Variants in ZNF407 observed in about 807,000 individuals in gnomAD.
ZNF407 encodes zinc finger protein 407.
Under a neutral mutation model 131.2 loss-of-function variants are expected in ZNF407, and 17 were observed. The ratio of observed to expected loss-of-function variants is 0.13; its 90% CI spans 0.09 to 0.19. The LOEUF (loss-of-function observed/expected upper bound fraction) is 0.19. Among genes scored for constraint, ZNF407 ranks in the 10% least tolerant of loss-of-function variants. ZNF407 has a pLI of 1.00. For missense variants in ZNF407, 2,681 were observed against 2,830.6 expected (o/e 0.95, Z 1.20); for synonymous variants, 1,156 against 1,062.0 (o/e 1.09, Z -1.72).
At chr18:74,844,070 G>A (rs1265232961) in intron 4 of ZNF407, among the ~76,000 whole-genome samples, 1 of 152,068 alleles carries the variant, frequency 6.6e-6, no homozygotes, top group Non-Finnish European at 1.5e-5. Flanking sequence ...CAAGTCTCAA[G>A]CACTGCCACG....
At chr18:74,891,332 G>A (rs191515781) in intron 7 of ZNF407, among the ~76,000 whole-genome samples, 2 of 152,328 alleles carry the variant, frequency 1.3e-5, no homozygotes, top group East Asian at 1.9e-4. Flanking sequence ...ACATGATGGC[G>A]TGAAATTGAG....
At chr18:74,944,238 A>G (rs1384438677) in intron 8 of ZNF407, among the ~76,000 whole-genome samples, 2 of 152,144 alleles carry the variant, frequency 1.3e-5, no homozygotes, top group Non-Finnish European at 2.9e-5. Flanking sequence ...TTTAATTTAA[A>G]AAGTCTGTTA....
intron 8 of ZNF407, among the ~76,000 whole-genome samples, chr18:74,951,381 A>G (rs1022277054): frequency 1.3e-5 from 2 of 152,190 alleles, no homozygotes; most frequent in African/African-American, 2.4e-5. Context: ...CATTAAGTCA[A>G]CATTGTCCCT....
chr18:74,835,882 C>T (rs554720533), intron 4 of ZNF407, among the ~76,000 whole-genome samples: 5 of 151,898 alleles, frequency 3.3e-5, no homozygotes, highest in Admixed American at 2.0e-4. Flanking sequence ...CTCACAGGTA[C>T]GGGTATGCTG....
intron 8 of ZNF407, among the ~76,000 whole-genome samples, chr18:74,999,372 A>C (rs1031562210): frequency 1.0e-4 from 15 of 148,920 alleles, no homozygotes; most frequent in Non-Finnish European, 1.8e-4. Context: ...AAAAAAAAAA[A>C]AAACAAAGGT....
chr18:74,912,685 C>T (rs1322759702), intron 7 of ZNF407, among the ~76,000 whole-genome samples: 2 of 152,004 alleles, frequency 1.3e-5, no homozygotes, highest in Non-Finnish European at 1.5e-5. Flanking sequence ...AAATTTGGAA[C>T]AGTTGTTTTA....
intron 4 of ZNF407, among the ~76,000 whole-genome samples, chr18:74,788,178 G>T (rs11876845): frequency 0.14 from 20,778 of 152,070 alleles, 2,546 homozygotes; most frequent in African/African-American, 0.33. Context: ...TTATGGGGAA[G>T]TCCCATTTTA....
intron 4 of ZNF407, among the ~76,000 whole-genome samples, chr18:74,852,062 G>A (rs947611584): frequency 6.6e-6 from 1 of 152,102 alleles, no homozygotes; most frequent in African/African-American, 2.4e-5. Flanking sequence ...ATTGTCACGG[G>A]AGCATGGACA....
chr18:74,786,514 A>C (rs1168495927), intron 4 of ZNF407, among the ~76,000 whole-genome samples: 1 of 151,492 alleles, frequency 6.6e-6, no homozygotes, highest in Non-Finnish European at 1.5e-5. Flanking sequence ...GGAAAAATAA[A>C]GTGTTTATGG....
At chr18:74,993,929 GAC>G (rs1388110667) in intron 8 of ZNF407, among the ~76,000 whole-genome samples, 1 of 152,232 alleles carries the variant, frequency 6.6e-6, no homozygotes, top group African/African-American at 2.4e-5. Flanking sequence ...AAGTGTGAGA[GAC>G]AAAGACTGGT....
At chr18:74,642,114 A>G (rs1036689061) in intron 3 of ZNF407, among the ~76,000 whole-genome samples, 2 of 152,236 alleles carry the variant, frequency 1.3e-5, no homozygotes, top group African/African-American at 4.8e-5. Context: ...TGGACAGTAC[A>G]TTTCATCCCA....
chr18:74,777,739 C>CTT (rs1969502755), intron 3 of ZNF407, among the ~76,000 whole-genome samples: 1 of 81,538 alleles, frequency 1.2e-5, no homozygotes, highest in Admixed American at 1.7e-4. Flanking sequence ...CACTCTCTCT[C>CTT]TCTCTCTCTC....
chr18:74,638,055 A>G (rs931375739), intron 2 of ZNF407, among the ~76,000 whole-genome samples: 1 of 152,238 alleles, frequency 6.6e-6, no homozygotes, highest in African/African-American at 2.4e-5. Flanking sequence ...TATTTCATGT[A>G]ACATGGGCTG....
chr18:74,948,639 A>G (rs1392485596), intron 8 of ZNF407, among the ~76,000 whole-genome samples: 1 of 152,206 alleles, frequency 6.6e-6, no homozygotes, highest in African/African-American at 2.4e-5. Flanking sequence ...TAAAAAAATA[A>G]TTCTCTCTCA....
chr18:74,637,779 A>T (rs1167846878), intron 2 of ZNF407, among the ~76,000 whole-genome samples: 1 of 152,182 alleles, frequency 6.6e-6, no homozygotes, highest in South Asian at 2.1e-4. Context: ...TTACTCTTCC[A>T]ATCCCTGTTT....
At chr18:74,739,436 G>A (rs1224410832) in intron 3 of ZNF407, among the ~76,000 whole-genome samples, 2 of 151,744 alleles carry the variant, frequency 1.3e-5, no homozygotes, top group East Asian at 1.9e-4. Flanking sequence ...TAAAAAGTAG[G>A]TGGTCATTGA....
At chr18:74,955,970 T>C (rs915491550) in intron 8 of ZNF407, among the ~76,000 whole-genome samples, 19 of 152,182 alleles carry the variant, frequency 1.2e-4, no homozygotes, top group African/African-American at 4.6e-4. Context: ...CTTAAGGAAG[T>C]TCATCTATAG....
intron 8 of ZNF407, among the ~76,000 whole-genome samples, chr18:74,985,459 A>C (rs1972641727): frequency 6.6e-6 from 1 of 152,224 alleles, no homozygotes; most frequent in African/African-American, 2.4e-5. Context: ...ATGAGAACAA[A>C]CTTTAGACTA....
At chr18:74,769,493 C>T (rs1385844873) in intron 3 of ZNF407, among the ~76,000 whole-genome samples, 2 of 152,168 alleles carry the variant, frequency 1.3e-5, no homozygotes, top group African/African-American at 4.8e-5. Flanking sequence ...CATTCATAAA[C>T]ATGTCTCATA....
Sources: allele counts gnomAD v4.1 joint callset (sites outside exome capture counted in the v4.1 genomes callset), GRCh38; gene constraint gnomAD v4.1.1; transcripts MANE v1.5; gene names NCBI Gene and HGNC (gene_info 2026-07-23, HGNC 2026-07-21).